Variants in PTPRD observed in about 807,000 individuals in gnomAD.
PTPRD encodes protein tyrosine phosphatase receptor type D.
A neutral mutation model predicts 214.5 loss-of-function variants in PTPRD; 34 were observed. The observed-to-expected ratio is 0.16, with a 90% CI of 0.12 to 0.21. The LOEUF (loss-of-function observed/expected upper bound fraction) is 0.21, where lower values mean the gene tolerates loss of function less well. PTPRD is among the 10% of genes least tolerant of loss of function. The probability of loss-of-function intolerance (pLI) is 1.00; values close to 1 mark genes in which losing one functional copy is unlikely to be tolerated. For synonymous variants in PTPRD, 1,128 were observed against 845.7 expected (o/e 1.33, Z -5.79); for missense variants, 2,545 against 2,398.7 (o/e 1.06, Z -1.27).
intron 8 of PTPRD, among the ~76,000 whole-genome samples, chr9:9,453,986 A>T (rs374414955): frequency 6.6e-6 from 1 of 151,632 alleles, no homozygotes; most frequent in African/African-American, 2.4e-5. Context: ...TCATATTTCC[A>T]TGTCATCCTC....
intron 7 of PTPRD, among the ~76,000 whole-genome samples, chr9:9,654,368 A>G (rs1156693009): frequency 6.6e-6 from 1 of 152,224 alleles, no homozygotes; most frequent in Admixed American, 6.5e-5. Flanking sequence ...CATTATGTAA[A>G]TTATATTTAT....
At chr9:10,328,141 C>A in intron 3 of PTPRD, among the ~76,000 whole-genome samples, 1 of 151,766 alleles carries the variant, frequency 6.6e-6, no homozygotes, top group African/African-American at 2.4e-5. Context: ...ATTTAGAAAT[C>A]CTAAGGAAGG....
At chr9:8,486,499 T>C in intron 27 of PTPRD, 150 bp from the exon 28 acceptor site, 1 of 768,058 alleles carries the variant, frequency 1.3e-6, no homozygotes, top group Non-Finnish European at 2.3e-6. Flanking sequence ...CCTACATACC[T>C]TTGTGGAAAT....
At chr9:8,899,939 T>C (rs1280662405) in intron 11 of PTPRD, among the ~76,000 whole-genome samples, 1 of 152,204 alleles carries the variant, frequency 6.6e-6, no homozygotes, top group African/African-American at 2.4e-5. Context: ...ACATGAATCT[T>C]TGTGGAAAAA....
chr9:10,184,182 T>C (rs2099316968), intron 3 of PTPRD, among the ~76,000 whole-genome samples: 1 of 152,162 alleles, frequency 6.6e-6, no homozygotes, highest in Non-Finnish European at 1.5e-5. Context: ...CCCAGTATTT[T>C]GGGAGGCCGA....
At chr9:10,547,596 T>C (rs946178848) in intron 2 of PTPRD, among the ~76,000 whole-genome samples, 1 of 152,074 alleles carries the variant, frequency 6.6e-6, no homozygotes, top group African/African-American at 2.4e-5. Context: ...AATATATTTA[T>C]AGTATATGCT....
At position 10,571,086 on chromosome 9, in the gene PTPRD, T is replaced by A. The variant is rs184659095; in HGVS notation, c.-600+41312A>T. Among the ~76,000 whole-genome samples the A allele has an allele frequency of 2.0e-4, 31 of 152,292 alleles. 1 individual carries two copies. The highest frequency in any genetic ancestry group is 5.5e-4 in the African/African-American group (23 of 41,562). ...ATTTGCATTATAGTGAAGTATTTTTTAAAATATGAATGGCATTATATATGA... is the reference window on the plus strand; with the variant it reads ...ATTTGCATTATAGTGAAGTATTTTTAAAAATATGAATGGCATTATATATGA... On this transcript the variant is annotated intron_variant, in intron 2 of 45. Coordinates refer to ENST00000381196, the MANE Select transcript of PTPRD (RefSeq NM_002839.4).
intron 2 of PTPRD, among the ~76,000 whole-genome samples, chr9:10,348,082 C>A (rs780371221): frequency 6.6e-6 from 1 of 152,080 alleles, no homozygotes; most frequent in Non-Finnish European, 1.5e-5. Context: ...ACAATAGATT[C>A]TTGTGAACTA....
intron 2 of PTPRD, among the ~76,000 whole-genome samples, chr9:10,584,590 A>C (rs1249295138): frequency 6.6e-6 from 1 of 152,116 alleles, no homozygotes; most frequent in East Asian, 1.9e-4. Flanking sequence ...TTTCTCTTCC[A>C]GCTCTTGTAA....
At chr9:10,165,510 C>T (rs1382806878) in intron 3 of PTPRD, among the ~76,000 whole-genome samples, 2 of 151,770 alleles carry the variant, frequency 1.3e-5, no homozygotes, top group Middle Eastern at 3.4e-3. Context: ...AAATAAATAG[C>T]TTCTTTGTAT....
chr9:8,390,157 T>C (rs576094501), intron 36 of PTPRD, among the ~76,000 whole-genome samples: 100 of 152,284 alleles, frequency 6.6e-4, no homozygotes, highest in African/African-American at 2.4e-3. Flanking sequence ...TCCAGTTTGT[T>C]CTCCATCTAA....
At chr9:10,204,487 T>C (rs1156988076) in intron 3 of PTPRD, among the ~76,000 whole-genome samples, 1 of 152,160 alleles carries the variant, frequency 6.6e-6, no homozygotes, top group Non-Finnish European at 1.5e-5. Context: ...ATTTCCGTCA[T>C]CTAGTTGGCT....
chr9:8,483,990 G>A, intron 30 of PTPRD, 129 bp downstream of exon 30: 2 of 1,197,020 alleles, frequency 1.7e-6, no homozygotes, highest in East Asian at 2.4e-5. Context: ...GCAAAACTGG[G>A]AGTCTGAGCA....
At position 8,652,082 on chromosome 9, in the gene PTPRD, G is replaced by A. The variant is rs370953278; in HGVS notation, c.65-15238C>T. Among the ~76,000 whole-genome samples, 20 of 152,274 alleles carry A rather than the reference G, an allele frequency of 1.3e-4. 1 individual carries two copies. The South Asian group carries it at 3.3e-3, about 25-fold the overall frequency. On this transcript the variant is annotated intron_variant, in intron 12 of 45. Transcript: ENST00000381196. ...AGACAGTAAGGACCTTTATTTGCCA[G>A]CTAACTTTTTCCCCTGTCCTCTAAT...
intron 10 of PTPRD, among the ~76,000 whole-genome samples, chr9:9,089,207 T>A (rs966724301): frequency 6.6e-6 from 1 of 152,200 alleles, no homozygotes; most frequent in Admixed American, 6.5e-5. Flanking sequence ...ATCTTACTTT[T>A]AAAAGGGCTT....
At chr9:8,672,858 G>A (rs1565170052) in intron 12 of PTPRD, among the ~76,000 whole-genome samples, 1 of 115,388 alleles carries the variant, frequency 8.7e-6, no homozygotes, top group African/African-American at 3.2e-5. Flanking sequence ...GGGGGGGTGG[G>A]TGGGTATGTG....
chr9:9,705,186 G>T (rs1207972008), intron 7 of PTPRD, among the ~76,000 whole-genome samples: 1 of 152,136 alleles, frequency 6.6e-6, no homozygotes, highest in Admixed American at 6.6e-5. Context: ...TCATAGAATT[G>T]CATATGACAG....
chr9:9,976,254 G>A (rs948651985), intron 4 of PTPRD, among the ~76,000 whole-genome samples: 49 of 152,038 alleles, frequency 3.2e-4, no homozygotes, highest in African/African-American at 1.1e-3. Flanking sequence ...TTACAAAATA[G>A]AAACTTAACT....
chr9:9,862,083 C>G lies in PTPRD; in HGVS notation c.-368+76424G>C, dbSNP rs147080491. Among the ~76,000 whole-genome samples the G allele has an allele frequency of 1.2e-4, 19 of 152,206 alleles. No homozygotes were observed. The East Asian group carries it at 3.7e-3, about 29-fold the overall frequency. Reference sequence around the variant, plus strand: ...AAGATTATGTGCTAAATGCTACATACATTTGTAAACTCTCCCTATATATTA... The same window carrying G: ...AAGATTATGTGCTAAATGCTACATAGATTTGTAAACTCTCCCTATATATTA... On this transcript the variant is annotated intron_variant, in intron 5 of 45. Coordinates refer to ENST00000381196, the MANE Select transcript of PTPRD (RefSeq NM_002839.4).
Sources: gnomAD v4.1 joint callset for allele counts (sites outside exome capture counted in the v4.1 genomes callset) on GRCh38, gnomAD v4.1.1 for gene constraint, MANE v1.5 for transcripts, NCBI Gene and HGNC (gene_info 2026-07-23, HGNC 2026-07-21) for gene names.